Variants in RPS6KC1 observed in about 807,000 individuals in gnomAD.
RPS6KC1 encodes inactive ribosomal protein S6 kinase delta-1.
A neutral mutation model predicts 103.8 loss-of-function variants in RPS6KC1; 54 were observed. That is an observed-to-expected ratio of 0.52 (90% CI 0.42 to 0.65). The LOEUF is 0.65. Among genes scored for constraint, RPS6KC1 ranks in the 30% least tolerant of loss-of-function variants. RPS6KC1 has a pLI of 0.00. For synonymous variants in RPS6KC1, 439 were observed against 438.7 expected, an observed-to-expected ratio of 1.00 and a Z score of -0.01; for missense variants, 1,151 against 1,253.8, an observed-to-expected ratio of 0.92 and a Z score of 1.24.
chr1:213,612,389 A>G, the RPS6KC1 span, among the ~76,000 whole-genome samples: 9,452 of 152,248 alleles, frequency 0.062, 622 homozygotes, highest in East Asian at 0.29. Flanking sequence ...GACTTTAGAA[A>G]TTTTGAGACC....
At chr1:213,469,704 A>G in the RPS6KC1 span, among the ~76,000 whole-genome samples, 1 of 62,148 alleles carries the variant, frequency 1.6e-5, no homozygotes, top group Non-Finnish European at 4.0e-5. Context: ...TCTGAAGACA[A>G]ACAAACTTTA....
chr1:213,496,529 G>C, the RPS6KC1 span, among the ~76,000 whole-genome samples: 3 of 152,138 alleles, frequency 2.0e-5, no homozygotes, highest in Non-Finnish European at 2.9e-5. Flanking sequence ...AGGCTGAGGT[G>C]GGTGAATCAT....
At chr1:213,483,371 T>G in the RPS6KC1 span, among the ~76,000 whole-genome samples, 1 of 152,178 alleles carries the variant, frequency 6.6e-6, no homozygotes, top group Non-Finnish European at 1.5e-5. Flanking sequence ...CGGCTGAGTA[T>G]TATTCCTTTT....
At chr1:213,189,288 A>G (rs2092660532) in intron 8 of RPS6KC1, among the ~76,000 whole-genome samples, 1 of 151,988 alleles carries the variant, frequency 6.6e-6, no homozygotes, top group South Asian at 2.1e-4. Flanking sequence ...GTCTCTACTA[A>G]AAATACAAAA....
chr1:213,181,992 A>G (rs1199571906), intron 8 of RPS6KC1, among the ~76,000 whole-genome samples: 1 of 152,206 alleles, frequency 6.6e-6, no homozygotes, highest in Non-Finnish European at 1.5e-5. Context: ...CAAAAATTCT[A>G]ACACTCTCTG....
At chr1:213,276,758 T>G (rs184194761), downstream of RPS6KC1, among the ~76,000 whole-genome samples, 270 of 152,314 alleles carry the variant, frequency 1.8e-3, no homozygotes, top group African/African-American at 6.3e-3. Context: ...AAATTACAAT[T>G]AAAATGAGAT....
intron 6 of RPS6KC1, among the ~76,000 whole-genome samples, chr1:213,151,538 T>G (rs2088910203): frequency 1.3e-5 from 1 of 77,348 alleles, no homozygotes; most frequent in Non-Finnish European, 2.5e-5. Context: ...CGCTTCCCAG[T>G]AGGGGCGGCT....
At chr1:213,774,441 C>T in the RPS6KC1 span, among the ~76,000 whole-genome samples, 1 of 152,186 alleles carries the variant, frequency 6.6e-6, no homozygotes, top group African/African-American at 2.4e-5. Context: ...AGATCCAGAA[C>T]CTGGGGCCCT....
chr1:213,746,732 C>T, the RPS6KC1 span, among the ~76,000 whole-genome samples: 13 of 152,090 alleles, frequency 8.5e-5, no homozygotes, highest in South Asian at 1.0e-3. Context: ...AGAGTGGAGG[C>T]GGTGAAGAGA....
At chr1:213,093,772 A>T (rs536041240) in intron 3 of RPS6KC1, among the ~76,000 whole-genome samples, 1 of 152,256 alleles carries the variant, frequency 6.6e-6, no homozygotes, top group South Asian at 2.1e-4. Flanking sequence ...CTGTTCTAAC[A>T]ATTATATCTG....
At chr1:213,375,433 A>C in the RPS6KC1 span, among the ~76,000 whole-genome samples, 1 of 152,206 alleles carries the variant, frequency 6.6e-6, no homozygotes, top group African/African-American at 2.4e-5. Context: ...AAGTGAATTA[A>C]GGTGGTAGAT....
At chr1:213,389,043 G>C in the RPS6KC1 span, among the ~76,000 whole-genome samples, 1 of 152,170 alleles carries the variant, frequency 6.6e-6, no homozygotes, top group Non-Finnish European at 1.5e-5. Flanking sequence ...GTTGAAGAGA[G>C]CTGTGCAAAC....
At chr1:213,299,979 G>C in the RPS6KC1 span, among the ~76,000 whole-genome samples, 1 of 151,970 alleles carries the variant, frequency 6.6e-6, no homozygotes, top group Admixed American at 6.6e-5. Flanking sequence ...TAATTTTTTT[G>C]TATTTTTAGT....
the RPS6KC1 span, among the ~76,000 whole-genome samples, chr1:213,720,847 T>G: frequency 2.0e-5 from 3 of 152,234 alleles, no homozygotes; most frequent in Non-Finnish European, 2.9e-5. Context: ...TGAGCCTCAT[T>G]GCCATCACTG....
chr1:213,358,322 G>A, the RPS6KC1 span, among the ~76,000 whole-genome samples: 1 of 152,168 alleles, frequency 6.6e-6, no homozygotes, highest in South Asian at 2.1e-4. Context: ...CCTGTTTTTG[G>A]TCTATTCAGA....
rs753294293 is a variant in RPS6KC1, at chr1:213,241,287, A to T, written c.1811A>T (p.Asp604Val). 1 of 1,613,962 alleles carries T rather than the reference A, an allele frequency of 6.2e-7. No homozygotes were observed. Among genetic ancestry groups the T allele is most frequent in the East Asian group, 2.2e-5 (1 of 44,876 alleles). ...AGCCCCATGGAATTCTTTAGGATAG[A>T]CAGTAAGGATAGCGCAAGTGAACTC... ...KNSPMEFFRI[D>V]SKDSASELLG... The change falls in exon 11 of 15, where the codon GAC (aspartate) becomes GTC (valine). Residue 604 changes from aspartate to valine, a missense_variant. This residue lies in a region of RPS6KC1 where 959 missense variants were observed against 1,006.3 expected (regional missense o/e 0.95). Transcript: ENST00000366960.
chr1:213,801,681 A>G, the RPS6KC1 span, among the ~76,000 whole-genome samples: 1 of 152,156 alleles, frequency 6.6e-6, no homozygotes, highest in Admixed American at 6.5e-5. Context: ...AGAAACTCAC[A>G]TATTGAATAA....
the RPS6KC1 span, among the ~76,000 whole-genome samples, chr1:213,797,639 G>A: frequency 6.6e-6 from 1 of 152,212 alleles, no homozygotes; most frequent in Non-Finnish European, 1.5e-5. Flanking sequence ...GCATTTACAT[G>A]AAGAATGGCA....
chr1:213,592,027 G>A, the RPS6KC1 span, among the ~76,000 whole-genome samples: 3 of 152,194 alleles, frequency 2.0e-5, no homozygotes, highest in Non-Finnish European at 4.4e-5. Context: ...TTGTCTGCAG[G>A]AAATATTGCC....
Sources: allele counts gnomAD v4.1 joint callset (sites outside exome capture counted in the v4.1 genomes callset), GRCh38; gene constraint gnomAD v4.1.1; regional missense constraint gnomAD v4.1.1; transcripts MANE v1.5; gene names NCBI Gene and HGNC (gene_info 2026-07-23, HGNC 2026-07-21).